GRID2: variants seen among roughly 807,000 people sequenced by gnomAD.
GRID2 encodes glutamate receptor ionotropic, delta-2.
A neutral mutation model predicts 114.8 loss-of-function variants in GRID2; 33 were observed. The observed-to-expected ratio is 0.29, with a 90% CI of 0.22 to 0.38. GRID2 has a LOEUF of 0.38. Ranked by LOEUF, GRID2 falls within the 10% of genes least tolerant of loss-of-function variation. GRID2 has a pLI of 1.00. For synonymous variants in GRID2, 505 were observed against 449.9 expected (o/e 1.12, Z -1.55); for missense variants, 1,184 against 1,257.7 (o/e 0.94, Z 0.89).
At chr4:93,463,150 C>T (rs1357688011) in intron 11 of GRID2, among the ~76,000 whole-genome samples, 1 of 152,054 alleles carries the variant, frequency 6.6e-6, no homozygotes. Context: ...TAAAACATGA[C>T]GAGGTGCCCA....
chr4:92,473,399 T>G (rs1722139305), intron 1 of GRID2, among the ~76,000 whole-genome samples: 1 of 152,102 alleles, frequency 6.6e-6, no homozygotes, highest in South Asian at 2.1e-4. Flanking sequence ...CACTTTTTAA[T>G]GGCTTACATT....
At chr4:92,642,272 A>C (rs929758336) in intron 2 of GRID2, among the ~76,000 whole-genome samples, 1 of 151,832 alleles carries the variant, frequency 6.6e-6, no homozygotes, top group Non-Finnish European at 1.5e-5. Flanking sequence ...AAAGTATGTA[A>C]GCATTCAGCT....
intron 14 of GRID2, among the ~76,000 whole-genome samples, chr4:93,721,920 C>CTTTTTTTT (rs5860343): frequency 2.3e-5 from 3 of 132,614 alleles, no homozygotes; most frequent in Non-Finnish European, 3.2e-5. Flanking sequence ...TTTCTTTTTT[C>CTTTTTTTT]TTTTTTTTTT....
At chr4:93,238,169 T>C (rs1194711707) in intron 7 of GRID2, among the ~76,000 whole-genome samples, 1 of 151,814 alleles carries the variant, frequency 6.6e-6, no homozygotes, top group African/African-American at 2.4e-5. Context: ...TGGATGAGAT[T>C]GGATTAAGGA....
intron 2 of GRID2, among the ~76,000 whole-genome samples, chr4:93,042,562 G>T (rs1188508738): frequency 7.0e-6 from 1 of 143,550 alleles, no homozygotes; most frequent in Non-Finnish European, 1.5e-5. Flanking sequence ...CTATAAGACT[G>T]TAGCCTATTG....
chr4:92,636,415 A>G (rs916501535), intron 2 of GRID2, among the ~76,000 whole-genome samples: 24 of 152,098 alleles, frequency 1.6e-4, no homozygotes, highest in African/African-American at 5.3e-4. Flanking sequence ...ATTGAGACCA[A>G]CTGAGTACAT....
chr4:92,417,926 T>C (rs1731699979), intron 1 of GRID2, among the ~76,000 whole-genome samples: 1 of 152,156 alleles, frequency 6.6e-6, no homozygotes, highest in African/African-American at 2.4e-5. Flanking sequence ...CCTGCCACTA[T>C]GTAAGATGTG....
intron 2 of GRID2, among the ~76,000 whole-genome samples, chr4:92,614,819 C>T (rs1729928522): frequency 6.6e-6 from 1 of 151,482 alleles, no homozygotes; most frequent in African/African-American, 2.4e-5. Context: ...TTATTGAATT[C>T]CCTAGTCTAT....
intron 10 of GRID2, among the ~76,000 whole-genome samples, chr4:93,447,940 C>T (rs1722248658): frequency 6.6e-6 from 1 of 151,758 alleles, no homozygotes; most frequent in Non-Finnish European, 1.5e-5. Context: ...CTTAAATGTC[C>T]TTTCATATTT....
intron 2 of GRID2, among the ~76,000 whole-genome samples, chr4:92,628,363 G>GTTGTTTTGTT (rs574635865): frequency 0.047 from 7,134 of 152,034 alleles, 203 homozygotes; most frequent in East Asian, 0.094. Flanking sequence ...TTTGTTTTGT[G>GTTGTTTTGTT]TTGTTTTGTT....
chr4:93,010,743 T>G (rs1004622076), intron 2 of GRID2, among the ~76,000 whole-genome samples: 1 of 152,098 alleles, frequency 6.6e-6, no homozygotes, highest in African/African-American at 2.4e-5. Flanking sequence ...AACTAAAAAT[T>G]TTTCTAGAAC....
chr4:93,297,710 A>G (rs1272793004), intron 8 of GRID2, among the ~76,000 whole-genome samples: 1 of 152,214 alleles, frequency 6.6e-6, no homozygotes, highest in Non-Finnish European at 1.5e-5. Flanking sequence ...GCTACATAGT[A>G]TTGGCTAATA....
chr4:92,855,468 C>T (rs1290580298), intron 2 of GRID2, among the ~76,000 whole-genome samples: 1 of 151,752 alleles, frequency 6.6e-6, no homozygotes, highest in Non-Finnish European at 1.5e-5. Flanking sequence ...CCATGGTTTC[C>T]CATGTTCTTT....
chr4:92,463,968 C>T (rs1438226515), intron 1 of GRID2, among the ~76,000 whole-genome samples: 1 of 151,290 alleles, frequency 6.6e-6, no homozygotes, highest in Non-Finnish European at 1.5e-5. Context: ...CTCTTTTTCT[C>T]TACTTCTCTT....
chr4:93,788,005 T>C (rs1208576700), intron 1 of GRID2, among the ~76,000 whole-genome samples: 1 of 152,090 alleles, frequency 6.6e-6, no homozygotes. Context: ...GTGGACATAC[T>C]AAGCAAGACA....
rs533291262 is a variant in GRID2, at chr4:93,783,271, C to G, written c.221+13821C>G. ...TTTGCTATTGTTGACACTAATTTAGCAGATTAAAACAAAACAAAAGTAAAA... is the reference window on the plus strand; with the variant it reads ...TTTGCTATTGTTGACACTAATTTAGGAGATTAAAACAAAACAAAAGTAAAA... On this transcript the variant is annotated intron_variant, in intron 1 of 1. Transcript: ENST00000637838. Among the ~76,000 whole-genome samples, 20 of 152,292 alleles carry G rather than the reference C, an allele frequency of 1.3e-4. 1 individual carries two copies. The South Asian group carries it at 4.1e-3, about 32-fold the overall frequency.
At chr4:92,956,535 T>C (rs1752424304) in intron 2 of GRID2, among the ~76,000 whole-genome samples, 1 of 152,164 alleles carries the variant, frequency 6.6e-6, no homozygotes, top group South Asian at 2.1e-4. Flanking sequence ...AATATTCCAC[T>C]CTCTAGATGT....
intron 1 of GRID2, among the ~76,000 whole-genome samples, chr4:92,439,949 C>G (rs976072306): frequency 6.9e-6 from 1 of 145,360 alleles, no homozygotes; most frequent in African/African-American, 2.4e-5. Flanking sequence ...AGGAGTATGA[C>G]TAGACAGAAG....
At chr4:93,443,803 A>G (rs1432688514) in intron 10 of GRID2, among the ~76,000 whole-genome samples, 2 of 151,864 alleles carry the variant, frequency 1.3e-5, no homozygotes, top group South Asian at 2.1e-4. Flanking sequence ...TTCAGGCAGT[A>G]TATAGCCAAG....
Sources: allele counts gnomAD v4.1 joint callset (sites outside exome capture counted in the v4.1 genomes callset), GRCh38; gene constraint gnomAD v4.1.1; transcripts MANE v1.5; gene names NCBI Gene and HGNC (gene_info 2026-07-23, HGNC 2026-07-21).